The following HGF variants were observed in gnomAD, a reference collection of about 807,000 sequenced individuals.
The protein encoded by HGF is fibroblast-derived tumor cytotoxic factor.
In HGF, 39 loss-of-function variants were observed where a neutral mutation model predicts 111.6. The observed-to-expected ratio is 0.35, with a 90% CI of 0.27 to 0.46. HGF has a LOEUF of 0.46. HGF is among the 20% of genes least tolerant of loss of function. The probability of loss-of-function intolerance (pLI) is 1.00; values close to 1 mark genes in which losing one functional copy is unlikely to be tolerated. For missense variants in HGF, 735 were observed against 910.5 expected, an observed-to-expected ratio of 0.81 and a Z score of 2.48; for synonymous variants, 285 against 294.8, an observed-to-expected ratio of 0.97 and a Z score of 0.34.
intron 9 of HGF, among the ~76,000 whole-genome samples, chr7:81,722,917 T>G (rs898569169): frequency 7.9e-5 from 12 of 151,564 alleles, no homozygotes; most frequent in Admixed American, 3.9e-4. Flanking sequence ...TTCTATACTT[T>G]TAAATAATAC....
chr7:81,711,210 A>C (rs1217820689), intron 12 of HGF, among the ~76,000 whole-genome samples: 2 of 152,228 alleles, frequency 1.3e-5, no homozygotes, highest in Non-Finnish European at 2.9e-5. Context: ...CCCAAATTAA[A>C]AGTAAATATA....
At position 81,705,704 on chromosome 7, in the gene HGF, C is replaced by T. The variant is rs2115766175; in HGVS notation, c.1807G>A (p.Gly603Arg). ...CTGGTCTTTTCAGGAATTGTGCATCCATAATTAGGTAAATCAATCGTACTA... is the reference window on the plus strand; with the variant it reads ...CTGGTCTTTTCAGGAATTGTGCATCTATAATTAGGTAAATCAATCGTACTA... ...FVSTIDLPNY[G>R]CTIPEKTSCS... The change falls in exon 16 of 18, where the codon GGA (glycine) becomes AGA (arginine). Residue 603 changes from glycine (G) to arginine (R), a missense_variant. By Grantham distance (125) the Gly-to-Arg change is moderately radical. This residue lies in a region of HGF where 130 missense variants were observed against 129.9 expected (regional missense o/e 1.00). Coordinates refer to ENST00000222390, the MANE Select transcript of HGF (RefSeq NM_000601.6). 6.2e-7 allele frequency: 1 copy of T among 1,612,468 alleles called. No individual in the cohort carries two copies. The highest frequency in any genetic ancestry group is 8.5e-7 in the Non-Finnish European group (1 of 1,178,944).
chr7:81,754,741 T>C (rs1788678442), intron 4 of HGF, among the ~76,000 whole-genome samples: 1 of 152,006 alleles, frequency 6.6e-6, no homozygotes, highest in Non-Finnish European at 1.5e-5. Flanking sequence ...TTTTTGTTAG[T>C]GTCCCAATGT....
At chr7:81,738,435 G>A (rs940362055) in intron 7 of HGF, among the ~76,000 whole-genome samples, 19 of 151,966 alleles carry the variant, frequency 1.3e-4, no homozygotes, top group African/African-American at 4.3e-4. Flanking sequence ...TGCCCAAAAC[G>A]CTGTTAAAAT....
chr7:81,730,273 A>C (rs558706112), intron 7 of HGF, among the ~76,000 whole-genome samples: 1 of 151,966 alleles, frequency 6.6e-6, no homozygotes, highest in East Asian at 1.9e-4. Context: ...ACATGGTGAA[A>C]CCCCATCTCT....
intron 4 of HGF, 39 bp downstream of exon 4, chr7:81,757,150 A>G (rs2116176328): frequency 9.8e-7 from 1 of 1,016,700 alleles, no homozygotes; most frequent in Non-Finnish European, 1.6e-6. Flanking sequence ...CATGTAAAAA[A>G]GACAGAGGCT....
At chr7:81,711,928 GCCA>G (rs1789581533) in intron 11 of HGF, among the ~76,000 whole-genome samples, 1 of 152,138 alleles carries the variant, frequency 6.6e-6, no homozygotes, top group Admixed American at 6.5e-5. Context: ...ATAGGCATGA[GCCA>G]CCACACCTGG....
intron 10 of HGF, among the ~76,000 whole-genome samples, chr7:81,719,567 T>C (rs1789800931): frequency 6.6e-6 from 1 of 152,226 alleles, no homozygotes; most frequent in African/African-American, 2.4e-5. Context: ...TTATTTTGTA[T>C]TAAATACATA....
At chr7:81,726,129 T>G in intron 8 of HGF, 112 bp from the exon 9 acceptor site, 1 of 1,106,840 alleles carries the variant, frequency 9.0e-7, no homozygotes, top group Admixed American at 1.7e-5. Context: ...AATAGAGTTC[T>G]AACTTTTTGG....
chr7:81,711,368 C>T, intron 12 of HGF, 113 bp downstream of exon 12: 1 of 526,884 alleles, frequency 1.9e-6, no homozygotes, highest in Non-Finnish European at 3.3e-6. Flanking sequence ...AATAGATTAA[C>T]TTCTTTTTAT....
chr7:81,732,820 A>G (rs1268039096), intron 7 of HGF, among the ~76,000 whole-genome samples: 5 of 152,182 alleles, frequency 3.3e-5, no homozygotes, highest in South Asian at 2.1e-4. Context: ...TTGAAATTTT[A>G]AGAACCTCTG....
chr7:81,713,985 T>TGC (rs1022872266), intron 11 of HGF, among the ~76,000 whole-genome samples: 2 of 112,480 alleles, frequency 1.8e-5, no homozygotes, highest in African/African-American at 6.5e-5. Flanking sequence ...TAGGGGTGTG[T>TGC]GTGCGTGTGT....
chr7:81,766,096 G>A (rs1034241858), intron 1 of HGF, among the ~76,000 whole-genome samples: 1 of 152,136 alleles, frequency 6.6e-6, no homozygotes, highest in Non-Finnish European at 1.5e-5. Context: ...TAGGATCCTA[G>A]TGAAAACCTA....
rs545949013 is a variant in HGF, at chr7:81,747,242, T to G, written c.626-2122A>C. Among the ~76,000 whole-genome samples, 5 of 152,076 alleles carry G rather than the reference T, an allele frequency of 3.3e-5. No individual in the cohort carries two copies. The East Asian group carries it at 7.8e-4, about 24-fold the overall frequency. On this transcript the variant is annotated intron_variant, in intron 5 of 17. Coordinates refer to ENST00000222390, the MANE Select transcript of HGF (RefSeq NM_000601.6). Reference sequence around the variant, plus strand: ...TAGTCCCAGCTACTCGGGAGGCTGATGCAGGAGAATGGCGTGAACCCGGGA... The same window carrying G: ...TAGTCCCAGCTACTCGGGAGGCTGAGGCAGGAGAATGGCGTGAACCCGGGA...
At chr7:81,760,680 CGTGT>C (rs55865050) in intron 2 of HGF, among the ~76,000 whole-genome samples, 49,264 of 139,128 alleles carry the variant, frequency 0.35, 8,634 homozygotes, top group Middle Eastern at 0.5. Flanking sequence ...TATGTGCGTG[CGTGT>C]GTGTGTGTGT....
rs5745746 is a variant in HGF, at chr7:81,707,123, T to C, written c.1616+167A>G. On this transcript the variant is annotated intron_variant, in intron 14 of 17. Coordinates refer to ENST00000222390, the MANE Select transcript of HGF (RefSeq NM_000601.6). ...ACTGAAGTAGTGTCTTGTAAATATCTGTGAAGTCAAAGTAAGTTTTGTAAG... is the reference window on the plus strand; with the variant it reads ...ACTGAAGTAGTGTCTTGTAAATATCCGTGAAGTCAAAGTAAGTTTTGTAAG... Among the ~76,000 whole-genome samples the C allele has an allele frequency of 0.082, 12,461 of 152,038 alleles. 1,686 individuals are homozygous for C. Among genetic ancestry groups the C allele is most frequent in the African/African-American group, 0.28 (11,715 of 41,450 alleles).
chr7:81,722,528 G>A (rs1313786844), intron 9 of HGF, among the ~76,000 whole-genome samples: 2 of 151,698 alleles, frequency 1.3e-5, no homozygotes, highest in Non-Finnish European at 2.9e-5. Context: ...AAAAATATAA[G>A]TTGGTCAGGC....
At chr7:81,720,439 T>C (rs1789822954) in intron 10 of HGF, among the ~76,000 whole-genome samples, 1 of 152,218 alleles carries the variant, frequency 6.6e-6, no homozygotes, top group Non-Finnish European at 1.5e-5. Flanking sequence ...AATGTGACCG[T>C]ATCCTCCTTG....
intron 9 of HGF, among the ~76,000 whole-genome samples, chr7:81,724,903 C>G (rs1789965582): frequency 6.6e-6 from 1 of 152,200 alleles, no homozygotes; most frequent in Non-Finnish European, 1.5e-5. Flanking sequence ...TCTGATTTTA[C>G]TACCGCTCCC....
Sources: allele counts gnomAD v4.1 joint callset (sites outside exome capture counted in the v4.1 genomes callset), GRCh38; gene constraint gnomAD v4.1.1; regional missense constraint gnomAD v4.1.1; transcripts MANE v1.5; gene names NCBI Gene and HGNC (gene_info 2026-07-23, HGNC 2026-07-21).